Variants in DOCK7 observed in about 807,000 individuals in gnomAD.
The protein encoded by DOCK7 is dedicator of cytokinesis 7.
A neutral mutation model predicts 271.0 loss-of-function variants in DOCK7; 138 were observed. The observed-to-expected ratio is 0.51, with a 90% CI of 0.44 to 0.59. DOCK7 has a LOEUF of 0.59. Among genes scored for constraint, DOCK7 ranks in the 20% least tolerant of loss-of-function variants. The pLI, the probability that DOCK7 is intolerant of heterozygous loss-of-function variation, is 0.00. For missense variants in DOCK7, 2,066 were observed against 2,592.4 expected (o/e 0.80, Z 4.41); for synonymous variants, 823 against 876.1 (o/e 0.94, Z 1.07).
At chr1:62,621,859 G>T (rs945559403) in intron 12 of DOCK7, among the ~76,000 whole-genome samples, 2 of 151,930 alleles carry the variant, frequency 1.3e-5, no homozygotes, top group Non-Finnish European at 2.9e-5. Flanking sequence ...TTTTTAAATG[G>T]TCCTTATTCA....
At position 62,528,141 on chromosome 1, in the gene DOCK7, T is replaced by A. The variant is rs1276772503; in HGVS notation, c.3936+10A>T. The A allele has an allele frequency of 6.3e-6, 10 of 1,598,368 alleles. No individual in the cohort carries two copies. The highest frequency in any genetic ancestry group is 8.5e-6 in the Non-Finnish European group (10 of 1,173,050). ...TAGAAAAAAAAATTCTGTAGGAGGA[T>A]TGTTTTTACCGTTGACGTGAGGAGG... On this transcript the variant is annotated intron_variant, in intron 31 of 49. Coordinates refer to ENST00000635253, the MANE Select transcript of DOCK7 (RefSeq NM_001367561.1).
At chr1:62,653,356 T>C (rs755113791) in intron 4 of DOCK7, among the ~76,000 whole-genome samples, 2 of 152,210 alleles carry the variant, frequency 1.3e-5, no homozygotes, top group Non-Finnish European at 2.9e-5. Context: ...AACTGCCTGT[T>C]AATTTTAACT....
chr1:62,570,946 C>T (rs1488606096), intron 18 of DOCK7, among the ~76,000 whole-genome samples: 1 of 152,170 alleles, frequency 6.6e-6, no homozygotes, highest in Admixed American at 6.5e-5. Context: ...CCAAACTATA[C>T]AAACCCTAGA....
intron 2 of DOCK7, among the ~76,000 whole-genome samples, chr1:62,659,154 G>A (rs1031671525): frequency 3.9e-5 from 6 of 152,120 alleles, no homozygotes; most frequent in Admixed American, 1.3e-4. Flanking sequence ...AACACAGCAC[G>A]AGCAAAAAAT....
At chr1:62,640,439 T>C (rs992441453) in intron 7 of DOCK7, among the ~76,000 whole-genome samples, 1 of 152,148 alleles carries the variant, frequency 6.6e-6, no homozygotes, top group African/African-American at 2.4e-5. Flanking sequence ...GGAGAATCAC[T>C]TGAACCCGGG....
intron 22 of DOCK7, 80 bp downstream of exon 22, chr1:62,552,652 G>T: frequency 1.5e-6 from 2 of 1,365,310 alleles, no homozygotes; most frequent in Non-Finnish European, 2.0e-6. Context: ...TCAAAATTCA[G>T]AATACATTAC....
At chr1:62,501,327 G>A (rs1338162848) in intron 37 of DOCK7, among the ~76,000 whole-genome samples, 1 of 152,074 alleles carries the variant, frequency 6.6e-6, no homozygotes, top group Non-Finnish European at 1.5e-5. Context: ...TACAAACTAA[G>A]ACTGAAATGT....
At chr1:62,686,607 G>A (rs1661777457) in intron 1 of DOCK7, among the ~76,000 whole-genome samples, 1 of 152,070 alleles carries the variant, frequency 6.6e-6, no homozygotes, top group African/African-American at 2.4e-5. Flanking sequence ...AGTGTTTGAT[G>A]ACAGGTAGTA....
chr1:62,543,774 G>A, intron 23 of DOCK7, 29 bp from the exon 24 acceptor site: 3 of 1,529,702 alleles, frequency 2.0e-6, no homozygotes, highest in Non-Finnish European at 2.7e-6. Context: ...TGAATGACGA[G>A]ATAACATTAA....
At chr1:62,465,088 T>C (rs115457960) in intron 48 of DOCK7, among the ~76,000 whole-genome samples, 1,707 of 152,304 alleles carry the variant, frequency 0.011, 41 homozygotes, top group African/African-American at 0.039. Flanking sequence ...AAGTCACAAC[T>C]GAAAAAAACT....
chr1:62,623,562 ACAG>A (rs1653549644), intron 12 of DOCK7, among the ~76,000 whole-genome samples: 1 of 152,224 alleles, frequency 6.6e-6, no homozygotes, highest in African/African-American at 2.4e-5. Context: ...TTATTGATAA[ACAG>A]CAGGCTGAAG....
chr1:62,666,077 T>C (rs1160743243), intron 1 of DOCK7, among the ~76,000 whole-genome samples: 2 of 151,954 alleles, frequency 1.3e-5, no homozygotes, highest in Non-Finnish European at 2.9e-5. Context: ...TGCAGGAGAA[T>C]GGTGAGAACC....
At chr1:62,580,763 G>T (rs1647091327) in intron 16 of DOCK7, among the ~76,000 whole-genome samples, 1 of 152,112 alleles carries the variant, frequency 6.6e-6, no homozygotes, top group African/African-American at 2.4e-5. Flanking sequence ...TAAAACAGGG[G>T]TTGGCAAACT....
intron 18 of DOCK7, among the ~76,000 whole-genome samples, chr1:62,575,434 T>G (rs1259844381): frequency 6.6e-6 from 1 of 152,214 alleles, no homozygotes; most frequent in East Asian, 1.9e-4. Context: ...ATATATTTTC[T>G]GTGCCTTATG....
intron 2 of DOCK7, among the ~76,000 whole-genome samples, 162 bp downstream of exon 2, chr1:62,662,863 C>T (rs1658828190): frequency 6.6e-6 from 1 of 152,036 alleles, no homozygotes; most frequent in Non-Finnish European, 1.5e-5. Context: ...TTCTATAACA[C>T]CCCCAACATC....
intron 48 of DOCK7, among the ~76,000 whole-genome samples, chr1:62,460,074 TG>T (rs1490331252): frequency 8.4e-6 from 1 of 119,516 alleles, no homozygotes; most frequent in African/African-American, 3.3e-5. Context: ...CACTCCAGCC[TG>T]GGTGACAGAG....
chr1:62,646,750 G>T (rs948213591), intron 7 of DOCK7, among the ~76,000 whole-genome samples: 6 of 152,164 alleles, frequency 3.9e-5, no homozygotes, highest in Admixed American at 3.9e-4. Flanking sequence ...TGTTATAGCA[G>T]CCTGAGCAGA....
intron 14 of DOCK7, among the ~76,000 whole-genome samples, chr1:62,616,758 C>T (rs973093311): frequency 6.6e-6 from 1 of 151,616 alleles, no homozygotes; most frequent in Admixed American, 6.6e-5. Flanking sequence ...AATATGTCAA[C>T]ACGAAATTTC....
chr1:62,641,724 T>G, intron 7 of DOCK7: 1 of 316,094 alleles, frequency 3.2e-6, no homozygotes, highest in Non-Finnish European at 6.4e-6. Flanking sequence ...CCTCCCAACT[T>G]TGGCAGCCAC....
Sources: gnomAD v4.1 joint callset for allele counts (sites outside exome capture counted in the v4.1 genomes callset) on GRCh38, gnomAD v4.1.1 for gene constraint, MANE v1.5 for transcripts, NCBI Gene and HGNC (gene_info 2026-07-23, HGNC 2026-07-21) for gene names.